Variants in RARB observed in about 807,000 individuals in gnomAD.
RARB encodes retinoic acid receptor beta.
In RARB, 17 loss-of-function variants were observed where a neutral mutation model predicts 51.9. The observed-to-expected ratio is 0.33, with a 90% CI of 0.22 to 0.49. RARB has a LOEUF of 0.49. Ranked by LOEUF, RARB falls within the 20% of genes least tolerant of loss-of-function variation. The probability of loss-of-function intolerance (pLI) is 0.99; values close to 1 mark genes in which losing one functional copy is unlikely to be tolerated. For synonymous variants in RARB, 215 were observed against 195.4 expected (o/e 1.10, Z -0.84); for missense variants, 369 against 550.8 (o/e 0.67, Z 3.30).
intron 2 of RARB, among the ~76,000 whole-genome samples, chr3:24,925,553 C>G (rs9310765): frequency 0.61 from 92,374 of 150,448 alleles, 30,421 homozygotes; most frequent in African/African-American, 0.86. Context: ...GAGGTGGGAG[C>G]AATTCTTGAT....
intron 3 of RARB, among the ~76,000 whole-genome samples, chr3:25,515,918 G>C (rs1042019573): frequency 6.6e-6 from 1 of 152,194 alleles, no homozygotes; most frequent in East Asian, 1.9e-4. Context: ...TTCTTCCTGT[G>C]CATAGAGAAA....
chr3:25,411,373 A>G (rs78491680), intron 5 of RARB, among the ~76,000 whole-genome samples: 120 of 152,352 alleles, frequency 7.9e-4, no homozygotes, highest in African/African-American at 2.8e-3. Flanking sequence ...TACACAATAC[A>G]AAACACACTT....
At chr3:24,831,129 A>G (rs1261880440) in intron 1 of RARB, among the ~76,000 whole-genome samples, 1 of 152,226 alleles carries the variant, frequency 6.6e-6, no homozygotes, top group Non-Finnish European at 1.5e-5. Context: ...ATACACAAAT[A>G]AAATGCAGCT....
At chr3:25,304,403 T>C (rs747387494) in intron 5 of RARB, among the ~76,000 whole-genome samples, 1 of 152,232 alleles carries the variant, frequency 6.6e-6, no homozygotes, top group Non-Finnish European at 1.5e-5. Context: ...CTCTATGACA[T>C]GTCTGCCGTA....
At chr3:24,840,054 A>T (rs1342671061) in intron 1 of RARB, among the ~76,000 whole-genome samples, 1 of 152,206 alleles carries the variant, frequency 6.6e-6, no homozygotes, top group African/African-American at 2.4e-5. Flanking sequence ...AATGACCTCC[A>T]GCAAGATTAT....
intron 5 of RARB, among the ~76,000 whole-genome samples, chr3:25,344,884 A>C (rs967706422): frequency 6.6e-6 from 1 of 152,190 alleles, no homozygotes; most frequent in African/African-American, 2.4e-5. Context: ...GAGAGTGGAA[A>C]GTTTTTAGGG....
At chr3:25,327,965 C>T (rs1179542498) in intron 5 of RARB, among the ~76,000 whole-genome samples, 1 of 152,174 alleles carries the variant, frequency 6.6e-6, no homozygotes, top group African/African-American at 2.4e-5. Context: ...ACAAAGTACA[C>T]TAGTTGGCTT....
chr3:24,830,287 C>T (rs1197429473), intron 1 of RARB, among the ~76,000 whole-genome samples: 2 of 125,854 alleles, frequency 1.6e-5, no homozygotes, highest in Admixed American at 1.1e-4. Flanking sequence ...TTTCTCCCTC[C>T]AGATATTTTG....
Position 25,569,745 on chromosome 3 carries a change from C to G in RARB, c.449-13C>G, listed in dbSNP as rs1375181189. ...TTCAGCGACCCCTGATGTGCCTTCT[C>G]TCTCGTTTCCAGCTGTCAGGAATGA... On this transcript the variant is annotated splice_polypyrimidine_tract_variant and intron_variant, in intron 3 of 7. Coordinates refer to ENST00000330688, the MANE Select transcript of RARB (RefSeq NM_000965.5). 3.1e-6 allele frequency: 5 copies of G among 1,611,094 alleles called. No homozygotes were observed. Among genetic ancestry groups the G allele is most frequent in the African/African-American group, 2.7e-5 (2 of 74,794 alleles).
chr3:25,019,404 A>G (rs1320910666), intron 2 of RARB, among the ~76,000 whole-genome samples: 3 of 152,140 alleles, frequency 2.0e-5, no homozygotes, highest in Non-Finnish European at 4.4e-5. Context: ...AAGCCATGCA[A>G]TTGCTAGTGG....
chr3:25,373,079 T>C (rs1706352218), intron 5 of RARB, among the ~76,000 whole-genome samples: 1 of 152,130 alleles, frequency 6.6e-6, no homozygotes, highest in East Asian at 1.9e-4. Flanking sequence ...GCACATGCTC[T>C]GATTTGGAAG....
intron 5 of RARB, among the ~76,000 whole-genome samples, chr3:25,418,725 A>G (rs1183929637): frequency 6.6e-6 from 1 of 152,142 alleles, no homozygotes; most frequent in Non-Finnish European, 1.5e-5. Flanking sequence ...GGGATTCATA[A>G]CCGAAGAGAA....
intron 5 of RARB, among the ~76,000 whole-genome samples, chr3:25,383,953 A>G (rs1434346194): frequency 6.6e-6 from 1 of 151,988 alleles, no homozygotes; most frequent in African/African-American, 2.4e-5. Context: ...AAGGTTTTTA[A>G]TTTTAAATTT....
chr3:24,997,821 A>G (rs895621887), intron 2 of RARB, among the ~76,000 whole-genome samples: 1 of 152,208 alleles, frequency 6.6e-6, no homozygotes, highest in African/African-American at 2.4e-5. Context: ...GATTTTCTAA[A>G]TAGTGAGTAT....
intron 2 of RARB, among the ~76,000 whole-genome samples, chr3:24,984,373 C>A (rs907889566): frequency 6.6e-6 from 1 of 152,110 alleles, no homozygotes; most frequent in Non-Finnish European, 1.5e-5. Flanking sequence ...CAGTGAGAAG[C>A]ACTGTGTTAA....
chr3:24,901,749 T>C (rs1162576148), intron 2 of RARB, among the ~76,000 whole-genome samples: 1 of 152,176 alleles, frequency 6.6e-6, no homozygotes, highest in African/African-American at 2.4e-5. Context: ...TCAGAGAGCC[T>C]TTGCTGACTA....
intron 5 of RARB, among the ~76,000 whole-genome samples, chr3:25,353,940 G>A (rs2125459042): frequency 6.6e-6 from 1 of 152,130 alleles, no homozygotes; most frequent in Middle Eastern, 3.4e-3. Flanking sequence ...ATAAAGTGCA[G>A]TATATTATGA....
intron 5 of RARB, among the ~76,000 whole-genome samples, chr3:25,206,067 A>G (rs1265791448): frequency 1.3e-5 from 2 of 152,218 alleles, no homozygotes; most frequent in African/African-American, 4.8e-5. Context: ...TTTTTGACGT[A>G]TGATATTTTC....
intron 5 of RARB, among the ~76,000 whole-genome samples, chr3:25,201,568 T>C (rs1254170561): frequency 1.3e-5 from 2 of 152,212 alleles, no homozygotes; most frequent in African/African-American, 2.4e-5. Context: ...GCTGTGGGTT[T>C]GTCATAAATA....
Sources: allele counts gnomAD v4.1 joint callset (sites outside exome capture counted in the v4.1 genomes callset), GRCh38; gene constraint gnomAD v4.1.1; transcripts MANE v1.5; gene names NCBI Gene and HGNC (gene_info 2026-07-23, HGNC 2026-07-21).